Variants in TTC24 observed in about 807,000 individuals in gnomAD.
TTC24 encodes tetratricopeptide repeat protein 24.
A neutral mutation model predicts 63.3 loss-of-function variants in TTC24; 54 were observed. The ratio of observed to expected loss-of-function variants is 0.85; its 90% confidence interval spans 0.69 to 1.07. The LOEUF (loss-of-function observed/expected upper bound fraction) is 1.07. TTC24 is among the 50% of genes least tolerant of loss of function. The pLI, the probability that TTC24 is intolerant of heterozygous loss-of-function variation, is 0.00. For synonymous variants in TTC24, 276 were observed against 304.3 expected (o/e 0.91, Z 0.97); for missense variants, 680 against 730.5 (o/e 0.93, Z 0.80).
Position 156,582,086 on chromosome 1 carries a change from A to T in TTC24, c.706+16A>T, listed in dbSNP as rs1359777991. The T allele has an allele frequency of 6.8e-7, 1 of 1,464,370 alleles. No homozygotes were observed. Among genetic ancestry groups the T allele is most frequent in the Non-Finnish European group, 9.0e-7 (1 of 1,107,096 alleles). 90.7% of individuals were successfully genotyped at this position (1,464,370 alleles called of 1,614,324 possible). A position where few individuals can be genotyped will look rare whatever the true frequency, so the allele number is the denominator to read the frequency against. On this transcript the variant is annotated intron_variant, in intron 2 of 10. Transcript: ENST00000368236. ...CGACTGCTGGGTGAGACCTTCGGGC[A>T]GGGAAGGCATGGGATCTGGGGAGAC...
rs776877969 is a variant in TTC24, at chr1:156,585,212, T to C, written c.1437T>C (p.Ala479=). Residue 479 remains alanine, a synonymous_variant, in exon 8 of 11, where the codon GCT becomes GCC. Coordinates refer to ENST00000368236, the MANE Select transcript of TTC24 (RefSeq NM_001105669.4). ...GGTCGGCAAACGTTCCGGTGAGGGC[T>C]GGGCCGGGAAGACCAGAGCGTGAGT... ...EERSANVPVR[A]GPGRPELCFL... is the part of the protein sequence containing the mutation. 1.9e-6 allele frequency: 3 copies of C among 1,612,742 alleles called. No individual in the cohort carries two copies. The highest frequency in any genetic ancestry group is 2.5e-6 in the Non-Finnish European group (3 of 1,179,370).
At chr1:156,580,734 C>T (rs1431326317) in intron 1 of TTC24, among the ~76,000 whole-genome samples, 1 of 152,154 alleles carries the variant, frequency 6.6e-6, no homozygotes, top group African/African-American at 2.4e-5. Flanking sequence ...CCTCAGCCTC[C>T]CAAAATGCTG....
At chr1:156,584,306 C>G (rs1414584684) in intron 6 of TTC24, among the ~76,000 whole-genome samples, 1 of 152,018 alleles carries the variant, frequency 6.6e-6, no homozygotes, top group East Asian at 1.9e-4. Context: ...TTCCTCCTTC[C>G]AAGTCTCTGC....
rs1344405939 is a variant in TTC24, at chr1:156,585,698, A to G, written c.1457-15A>G. ...TTGTTGAGCTGACCTGAATTTACCG[A>G]TGTCTCCTTTTCAGTGTGTTTCCTT... On this transcript the variant is annotated splice_polypyrimidine_tract_variant and intron_variant, in intron 8 of 10. Coordinates refer to ENST00000368236, the MANE Select transcript of TTC24 (RefSeq NM_001105669.4). 4.4e-6 allele frequency: 7 copies of G among 1,588,538 alleles called. No individual in the cohort carries two copies. The highest frequency in any genetic ancestry group is 1.3e-5 in the African/African-American group (1 of 74,420).
chr1:156,582,929 C>T, intron 3 of TTC24, 113 bp from the exon 4 acceptor site: 1 of 1,382,032 alleles, frequency 7.2e-7, no homozygotes, highest in Non-Finnish European at 9.8e-7. Context: ...CTGGAGTGTT[C>T]TGGGGCTGGG....
In TTC24 at chr1:156,583,982, G is replaced by C; in HGVS notation, c.1251+87G>C. 1 of 1,124,908 alleles carries C rather than the reference G, an allele frequency of 8.9e-7. No homozygotes were observed. Among genetic ancestry groups the C allele is most frequent in the South Asian group, 1.3e-5 (1 of 74,110 alleles). The allele number at this position is 1,124,908 out of a possible 1,614,324, so 69.7% of individuals were successfully genotyped here. On this transcript the variant is annotated intron_variant, in intron 6 of 10. Coordinates refer to ENST00000368236, the MANE Select transcript of TTC24 (RefSeq NM_001105669.4). The surrounding 1 kb of genome is among the most constrained non-coding windows in gnomAD (Gnocchi z 4.0). ...GTGGTAAGCAGAGACGCTGTTCCCT[G>C]GGATGCTGCGCGCTTGGCCGCTCAT...
Position 156,583,975 on chromosome 1 carries a change from G to A in TTC24, c.1251+80G>A. 1.7e-6 allele frequency: 2 copies of A among 1,198,642 alleles called. No individual in the cohort carries two copies. The highest frequency in any genetic ancestry group is 1.3e-5 in the South Asian group (1 of 76,178). 74.3% of individuals were successfully genotyped at this position (1,198,642 alleles called of 1,614,324 possible). A position where few individuals can be genotyped will look rare whatever the true frequency, so the allele number is the denominator to read the frequency against. Reference sequence around the variant, plus strand: ...GGGGTTGGTGGTAAGCAGAGACGCTGTTCCCTGGGATGCTGCGCGCTTGGC... The same window carrying A: ...GGGGTTGGTGGTAAGCAGAGACGCTATTCCCTGGGATGCTGCGCGCTTGGC... On this transcript the variant is annotated intron_variant, in intron 6 of 10. Coordinates refer to ENST00000368236, the MANE Select transcript of TTC24 (RefSeq NM_001105669.4). The surrounding 1 kb of genome is among the most constrained non-coding windows in gnomAD (Gnocchi z 4.0).
At position 156,581,716 on chromosome 1, in the gene TTC24, G is replaced by C; in HGVS notation, c.352G>C (p.Asp118His). Residue 118 changes from aspartate to histidine, a missense_variant, in exon 2 of 11, where the codon GAC becomes CAC. Asp to His is a moderately conservative substitution (Grantham distance 81, BLOSUM62 -1). Coordinates refer to ENST00000368236, the MANE Select transcript of TTC24 (RefSeq NM_001105669.4). ...EEKAQGRRHG[D>H]QCFNVALAYH... is the part of the protein sequence containing the mutation. ...GAAGGCACAGGGCAGGCGACACGGC[G>C]ACCAATGTTTCAATGTGGCTTTGGC... The C allele has an allele frequency of 6.4e-7, 1 of 1,551,756 alleles. No homozygotes were observed. The highest frequency in any genetic ancestry group is 8.7e-7 in the Non-Finnish European group (1 of 1,147,024).
intron 1 of TTC24, among the ~76,000 whole-genome samples, 165 bp downstream of exon 1, chr1:156,579,923 GA>G (rs1676948309): frequency 1.3e-5 from 2 of 152,164 alleles, no homozygotes; most frequent in East Asian, 1.9e-4. Context: ...TAAAAAAGGG[GA>G]AAAAAAGGAT....
Position 156,586,482 on chromosome 1 carries a change from C to A in TTC24, c.1681C>A (p.Pro561Thr). 1.2e-6 allele frequency: 2 copies of A among 1,611,198 alleles called. No homozygotes were observed. The highest frequency in any genetic ancestry group is 1.7e-6 in the Non-Finnish European group (2 of 1,179,782). ...TGCCTCTTTCAGGTCATCCAGGTGG[C>A]CCAGGGAAAGCCTCAGCAGGAGCCG... Reference protein sequence around the residue: ...GPQANRSSRWPRESLSRSRQR... With the variant: ...GPQANRSSRWTRESLSRSRQR... Residue 561 changes from proline (P) to threonine (T), a missense_variant, in exon 11 of 11, where the codon CCC becomes ACC. Coordinates refer to ENST00000368236, the MANE Select transcript of TTC24 (RefSeq NM_001105669.4).
Position 156,583,025 on chromosome 1 carries a change from G to A in TTC24, c.911-17G>A. The A allele has an allele frequency of 1.9e-6, 3 of 1,602,196 alleles. No individual in the cohort carries two copies. The highest frequency in any genetic ancestry group is 2.6e-6 in the Non-Finnish European group (3 of 1,173,070). ...AGCCAGAGTCCCCTCTGAGGATGGG[G>A]TGGGCTCTGTCCTCAGGCTCTGTGG... is the stretch of plus-strand genomic sequence containing the variant. On this transcript the variant is annotated splice_polypyrimidine_tract_variant and intron_variant, in intron 3 of 10. Transcript: ENST00000368236. This position sits in a 1 kb window ranked among gnomAD's most constrained non-coding sequence, Gnocchi z 4.0.
Position 156,583,978 on chromosome 1 carries a change from C to T in TTC24, c.1251+83C>T. On this transcript the variant is annotated intron_variant, in intron 6 of 10. Coordinates refer to ENST00000368236, the MANE Select transcript of TTC24 (RefSeq NM_001105669.4). This position sits in a 1 kb window ranked among gnomAD's most constrained non-coding sequence, Gnocchi z 4.0. ...GTTGGTGGTAAGCAGAGACGCTGTT[C>T]CCTGGGATGCTGCGCGCTTGGCCGC... 8.7e-7 allele frequency: 1 copy of T among 1,154,952 alleles called. No individual in the cohort carries two copies. The highest frequency in any genetic ancestry group is 1.3e-6 in the Non-Finnish European group (1 of 790,278). The allele number at this position is 1,154,952 out of a possible 1,614,324, so 71.5% of individuals were successfully genotyped here.
In TTC24 at chr1:156,585,203, G is replaced by A. The variant is rs376431462; in HGVS notation, c.1428G>A (p.Pro476=). The A allele has an allele frequency of 3.6e-5, 58 of 1,613,054 alleles. No individual in the cohort carries two copies. The African/African-American group carries it at 4.9e-4, about 14-fold the overall frequency. The change falls in exon 8 of 11, where the codon CCG becomes CCA. Residue 476 remains proline (P), a synonymous_variant. Coordinates refer to ENST00000368236, the MANE Select transcript of TTC24 (RefSeq NM_001105669.4). ...KKKEERSANV[P]VRAGPGRPEL... ...AAGAGGAGAGGTCGGCAAACGTTCC[G>A]GTGAGGGCTGGGCCGGGAAGACCAG...
chr1:156,584,709 T>TA (rs1677102476), intron 6 of TTC24, 168 bp from the exon 7 acceptor site: 1 of 454,564 alleles, frequency 2.2e-6, no homozygotes, highest in South Asian at 6.0e-5. Context: ...TGAGAGTTAC[T>TA]AGCAGGGACC....
At chr1:156,586,087 A>G (rs1185664919) in intron 10 of TTC24, 42 bp downstream of exon 10, 1 of 1,338,586 alleles carries the variant, frequency 7.5e-7, no homozygotes. Context: ...AGAATAGCAA[A>G]AAAAGTAGAA....
intron 8 of TTC24, 44 bp from the exon 9 acceptor site, chr1:156,585,669 C>A: frequency 1.4e-6 from 2 of 1,390,242 alleles, no homozygotes; most frequent in Non-Finnish European, 2.0e-6. Flanking sequence ...GAGTTCTTTG[C>A]TACTTGTTGA....
In TTC24 at chr1:156,587,288, G is replaced by T. The variant is rs1410167507; in HGVS notation, c.*738G>T. Reference sequence around the variant, plus strand: ...CTAATCCTCACAACAAATATATGAGGTGCTATTATCCCCTTTCGCAAATGA... The same window carrying T: ...CTAATCCTCACAACAAATATATGAGTTGCTATTATCCCCTTTCGCAAATGA... On this transcript the variant is annotated 3_prime_UTR_variant, in exon 11 of 11. Transcript: ENST00000368236. 1.3e-5 allele frequency among the ~76,000 whole-genome samples: 2 copies of T among 151,964 alleles called. No individual in the cohort carries two copies. Among genetic ancestry groups the T allele is most frequent in the African/African-American group, 2.4e-5 (1 of 41,334 alleles).
At position 156,581,392 on chromosome 1, in the gene TTC24, C is replaced by A. The variant is rs1404974392; in HGVS notation, c.28C>A (p.Pro10Thr). ...GTCTTCCCCCAACCCTGAGGATGTG[C>A]CCCGGAGGCCAGAACCTGAGCCCTC... MSSPNPEDV[P>T]RRPEPEPSSS... The change falls in exon 2 of 11, where the codon CCC becomes ACC. Residue 10 changes from proline to threonine, a missense_variant. Pro to Thr is a conservative substitution (Grantham distance 38, BLOSUM62 -1). Transcript: ENST00000368236. 3.3e-6 allele frequency: 5 copies of A among 1,522,118 alleles called. No individual in the cohort carries two copies. 94.3% of individuals were successfully genotyped at this position (1,522,118 alleles called of 1,614,324 possible).
rs1677070646 is a variant in TTC24, at chr1:156,583,708, C to G, written c.1153-89C>G. On this transcript the variant is annotated intron_variant, in intron 5 of 10. Coordinates refer to ENST00000368236, the MANE Select transcript of TTC24 (RefSeq NM_001105669.4). This position sits in a 1 kb window ranked among gnomAD's most constrained non-coding sequence, Gnocchi z 4.0. ...AGGGGAAACAAAGCCCCCCTCCCCC[C>G]TCCCTTTCCTGTTTCCTTCTTCCCC... The G allele has an allele frequency of 1.8e-5, 19 of 1,051,430 alleles. 1 individual carries two copies. The South Asian group carries it at 2.0e-4, about 11-fold the overall frequency. 65.1% of individuals were successfully genotyped at this position (1,051,430 alleles called of 1,614,324 possible). A position where few individuals can be genotyped will look rare whatever the true frequency, so the allele number is the denominator to read the frequency against.
Sources: gnomAD v4.1 joint callset for allele counts (sites outside exome capture counted in the v4.1 genomes callset) on GRCh38, gnomAD v4.1.1 for gene constraint, Gnocchi (gnomAD v3.1) non-coding constraint, MANE v1.5 for transcripts, NCBI Gene and HGNC (gene_info 2026-07-23, HGNC 2026-07-21) for gene names.